DNAH17: variants seen among roughly 807,000 people sequenced by gnomAD.
DNAH17 encodes the protein axonemal beta dynein heavy chain 17.
In DNAH17, 376 loss-of-function variants were observed where a neutral mutation model predicts 485.6. That is an observed-to-expected ratio of 0.77 (90% confidence interval 0.71 to 0.84). The LOEUF is 0.84. Among genes scored for constraint, DNAH17 ranks in the 40% least tolerant of loss-of-function variants. DNAH17 has a pLI of 0.00. For missense variants in DNAH17, 6,370 were observed against 5,839.3 expected (o/e 1.09, Z -2.96); for synonymous variants, 3,031 against 2,405.9 (o/e 1.26, Z -7.60).
intron 11 of DNAH17, among the ~76,000 whole-genome samples, chr17:78,563,635 A>G (rs1008340714): frequency 2.0e-5 from 3 of 152,162 alleles, no homozygotes; most frequent in Admixed American, 1.3e-4. Flanking sequence ...TTTTAGTTTA[A>G]TGACTTTTGG....
chr17:78,500,198 G>T, intron 36 of DNAH17, 107 bp downstream of exon 36: 2 of 1,262,324 alleles, frequency 1.6e-6, no homozygotes, highest in Non-Finnish European at 2.2e-6. Flanking sequence ...CCATTCACAG[G>T]TATCCAGAGA....
chr17:78,502,618 G>A lies in DNAH17; in HGVS notation c.5163C>T (p.Asn1721=), dbSNP rs370364798. Residue 1721 remains asparagine, a synonymous_variant, in exon 33 of 81, where the codon AAC becomes AAT. Coordinates refer to ENST00000389840, the MANE Select transcript of DNAH17 (RefSeq NM_173628.4). ...AFARLEEGYE[N]AIRDYNKKQI... is the part of the protein sequence containing the mutation. ...GCTTTTTGTTATAATCTCTGATAGCGTTTTCATAGCCTTCCTCCAGCCTGG... is the reference window on the plus strand; with the variant it reads ...GCTTTTTGTTATAATCTCTGATAGCATTTTCATAGCCTTCCTCCAGCCTGG... 16 of 1,612,680 alleles carry A rather than the reference G, an allele frequency of 9.9e-6. No individual in the cohort carries two copies. Among genetic ancestry groups the A allele is most frequent in the African/African-American group, 6.7e-5 (5 of 75,010 alleles).
chr17:78,454,792 G>A (rs1181936615), intron 63 of DNAH17, 87 bp from the exon 64 acceptor site: 2 of 1,221,024 alleles, frequency 1.6e-6, no homozygotes, highest in Non-Finnish European at 2.3e-6. Flanking sequence ...GCTCTGTCTG[G>A]TGCTGCGGTT....
chr17:78,485,511 G>C (rs1041650218), intron 47 of DNAH17, 39 bp downstream of exon 47: 1 of 1,531,334 alleles, frequency 6.5e-7, no homozygotes, highest in Non-Finnish European at 8.8e-7. Context: ...ACTGGCGGGG[G>C]GCAGCCGGGT....
At chr17:78,516,139 T>G (rs895535730) in intron 25 of DNAH17, among the ~76,000 whole-genome samples, 8 of 148,476 alleles carry the variant, frequency 5.4e-5, no homozygotes, top group African/African-American at 2.0e-4. Flanking sequence ...ATACGATGAT[T>G]TGAAACCTTA....
At position 78,494,097 on chromosome 17, in the gene DNAH17, T is replaced by A; in HGVS notation, c.6347A>T (p.Glu2116Val). The change falls in exon 41 of 81, where the codon GAG (glutamate) becomes GTG (valine). Residue 2116 changes from glutamate to valine, a missense_variant. Physicochemically the swap from Glu to Val is moderately radical, Grantham distance 121. Coordinates refer to ENST00000389840, the MANE Select transcript of DNAH17 (RefSeq NM_173628.4). ...CACGGAGTGGCGGACCTGCAGCAGCTCCTCCAGCTGCACCACCTTCAGCAC... is the reference window on the plus strand; with the variant it reads ...CACGGAGTGGCGGACCTGCAGCAGCACCTCCAGCTGCACCACCTTCAGCAC... ...SFVLKVVQLE[E>V]LLQVRHSVFI... 6.2e-7 allele frequency: 1 copy of A among 1,612,692 alleles called. No homozygotes were observed. Among genetic ancestry groups the A allele is most frequent in the Non-Finnish European group, 8.5e-7 (1 of 1,179,816 alleles).
intron 2 of DNAH17, among the ~76,000 whole-genome samples, chr17:78,574,145 G>A (rs913863253): frequency 2.6e-5 from 4 of 152,286 alleles, no homozygotes; most frequent in East Asian, 1.9e-4. Context: ...GGGGATGCTC[G>A]GGGCTTCTCA....
chr17:78,461,046 A>C (rs1368195697), intron 58 of DNAH17, among the ~76,000 whole-genome samples: 1 of 151,834 alleles, frequency 6.6e-6, no homozygotes, highest in Non-Finnish European at 1.5e-5. Flanking sequence ...GCTCCCGCTA[A>C]GCCGTGGTTC....
chr17:78,435,401 C>A (rs948905283), intron 74 of DNAH17, among the ~76,000 whole-genome samples: 1 of 152,172 alleles, frequency 6.6e-6, no homozygotes, highest in Non-Finnish European at 1.5e-5. Context: ...AGGCCCACAG[C>A]CCCTCCGAGG....
intron 17 of DNAH17, among the ~76,000 whole-genome samples, chr17:78,542,514 T>C (rs1172697395): frequency 6.6e-6 from 1 of 152,120 alleles, no homozygotes; most frequent in Non-Finnish European, 1.5e-5. Flanking sequence ...TTTCACATTC[T>C]CCTCAGAGAC....
At chr17:78,484,788 G>A (rs1453190553) in intron 48 of DNAH17, 80 bp downstream of exon 48, 24 of 652,822 alleles carry the variant, frequency 3.7e-5, no homozygotes, top group Non-Finnish European at 3.7e-6. Context: ...CTGGGGCTCC[G>A]CCTCTTCCTG....
chr17:78,443,239 A>G (rs2087142036), intron 71 of DNAH17, among the ~76,000 whole-genome samples: 1 of 152,228 alleles, frequency 6.6e-6, no homozygotes, highest in Non-Finnish European at 1.5e-5. Context: ...TCGGATGCAC[A>G]CTGGGTCTTG....
chr17:78,512,562 C>T (rs2090661334), intron 26 of DNAH17, among the ~76,000 whole-genome samples: 1 of 95,682 alleles, frequency 1.0e-5, no homozygotes, highest in African/African-American at 3.5e-5. Context: ...ACAAGAGAAG[C>T]TCTCTGTCCT....
At chr17:78,504,615 C>CTGA in intron 31 of DNAH17, among the ~76,000 whole-genome samples, 1 of 152,060 alleles carries the variant, frequency 6.6e-6, no homozygotes, top group East Asian at 1.9e-4. Context: ...TTTCCTCAGG[C>CTGA]TGATGTTAAA....
In DNAH17 at chr17:78,450,814, C is replaced by G. The variant is rs767465598; in HGVS notation, c.10767G>C (p.Lys3589Asn). Residue 3589 changes from lysine to asparagine, a missense_variant, in exon 67 of 81, where the codon AAG becomes AAC. By Grantham distance (94) the Lys-to-Asn change is moderately conservative. Coordinates refer to ENST00000389840, the MANE Select transcript of DNAH17 (RefSeq NM_173628.4). ...ANLTKSQNEF[K>N]IVLKELEDSL... ...AATCTTCCAGCTCTTTCAGAACAATCTTAAATTCGTTTTGAGACTTGGTGA... is the reference window on the plus strand; with the variant it reads ...AATCTTCCAGCTCTTTCAGAACAATGTTAAATTCGTTTTGAGACTTGGTGA... 2 of 1,613,926 alleles carry G rather than the reference C, an allele frequency of 1.2e-6. No homozygotes were observed. The highest frequency in any genetic ancestry group is 1.1e-5 in the South Asian group (1 of 91,088).
intron 22 of DNAH17, among the ~76,000 whole-genome samples, chr17:78,528,074 G>A (rs550724189): frequency 3.4e-4 from 52 of 151,968 alleles, no homozygotes; most frequent in Middle Eastern, 3.4e-3. Context: ...CCACCACACC[G>A]GGCCATAAAA....
intron 65 of DNAH17, among the ~76,000 whole-genome samples, chr17:78,452,667 G>A (rs2146499656): frequency 6.6e-6 from 1 of 152,354 alleles, no homozygotes; most frequent in East Asian, 1.9e-4. Flanking sequence ...GAACCCAGGA[G>A]GCAGAGGCTG....
intron 61 of DNAH17, 118 bp from the exon 62 acceptor site, chr17:78,458,798 T>C (rs2087936800): frequency 9.0e-7 from 1 of 1,105,462 alleles, no homozygotes; most frequent in African/African-American, 1.5e-5. Context: ...CCACAAAGGC[T>C]GAGAGCCCTC....
chr17:78,541,260 TGGG>T (rs1368216049), intron 17 of DNAH17, among the ~76,000 whole-genome samples: 1 of 21,818 alleles, frequency 4.6e-5, no homozygotes, highest in Non-Finnish European at 7.5e-5. Flanking sequence ...AGCAGATGGG[TGGG>T]GGGGTGGGGG....
Sources: gnomAD v4.1 joint callset for allele counts (sites outside exome capture counted in the v4.1 genomes callset) on GRCh38, gnomAD v4.1.1 for gene constraint, MANE v1.5 for transcripts, NCBI Gene and HGNC (gene_info 2026-07-23, HGNC 2026-07-21) for gene names.